Variants in TMEM161B observed in about 807,000 individuals in gnomAD.
TMEM161B encodes transmembrane protein 161B.
TMEM161B carries 34 observed loss-of-function variants against 61.8 expected under a neutral mutation model. That is an observed-to-expected ratio of 0.55 (90% CI 0.42 to 0.73). TMEM161B has a LOEUF of 0.73. Ranked by LOEUF, TMEM161B falls within the 30% of genes least tolerant of loss-of-function variation. TMEM161B has a pLI of 0.00. For missense variants in TMEM161B, 456 were observed against 558.5 expected (o/e 0.82, Z 1.85); for synonymous variants, 167 against 192.8 (o/e 0.87, Z 1.11).
rs748118522 is a variant in TMEM161B, at chr5:88,196,228, A to G, written c.1447T>C (p.Tyr483His). Residue 483 changes from tyrosine to histidine, a missense_variant, in exon 12 of 12, where the codon TAT becomes CAT. Transcript: ENST00000296595. Reference protein sequence around the residue: ...TSLFGLFYHQYLTVA With the variant: ...TSLFGLFYHQHLTVA ...ACTGAGATTCATGCCACAGTCAGAT[A>G]CTGGTGATAGAAAAGCCCAAAAAGG... The G allele has an allele frequency of 1.2e-6, 2 of 1,611,862 alleles. No homozygotes were observed. The highest frequency in any genetic ancestry group is 1.7e-4 in the Middle Eastern group (1 of 6,034).
At chr5:88,268,353 G>A (rs531427686) in intron 1 of TMEM161B, among the ~76,000 whole-genome samples, 162 of 152,268 alleles carry the variant, frequency 1.1e-3, no homozygotes, top group African/African-American at 3.6e-3. Context: ...TGAAGTTCTT[G>A]GCCACTGTTC....
At chr5:88,212,004 T>G (rs570865869) in intron 5 of TMEM161B, among the ~76,000 whole-genome samples, 3 of 152,220 alleles carry the variant, frequency 2.0e-5, no homozygotes, top group African/African-American at 7.2e-5. Context: ...TACATGAGCA[T>G]GAACTTTCAG....
At chr5:88,228,833 T>C (rs1036161072) in intron 2 of TMEM161B, among the ~76,000 whole-genome samples, 7 of 152,136 alleles carry the variant, frequency 4.6e-5, no homozygotes, top group African/African-American at 1.7e-4. Context: ...TAAAAGTAAA[T>C]AAAGTGAAGT....
chr5:88,234,656 G>A (rs1212480060), intron 2 of TMEM161B, among the ~76,000 whole-genome samples: 1 of 152,072 alleles, frequency 6.6e-6, no homozygotes, highest in Non-Finnish European at 1.5e-5. Context: ...ATATGGGCTT[G>A]GAAGACAGAT....
chr5:88,190,101 T>C (rs1360457906), downstream of TMEM161B: 1 of 700,714 alleles, frequency 1.4e-6, no homozygotes, highest in African/African-American at 1.7e-5. Context: ...TCGTGTTGGA[T>C]AAGCCTCCAC....
chr5:88,217,831 C>G (rs1235586528), intron 5 of TMEM161B, among the ~76,000 whole-genome samples: 2 of 151,060 alleles, frequency 1.3e-5, no homozygotes, highest in African/African-American at 4.9e-5. Context: ...ATCACTAGAG[C>G]TCTCTAAGAA....
intron 2 of TMEM161B, among the ~76,000 whole-genome samples, chr5:88,237,832 A>G (rs1752111393): frequency 6.6e-6 from 1 of 152,128 alleles, no homozygotes; most frequent in Non-Finnish European, 1.5e-5. Context: ...TTAAAAATCA[A>G]CAAACTAATT....
At chr5:88,234,610 C>T (rs1751550291) in intron 2 of TMEM161B, among the ~76,000 whole-genome samples, 1 of 152,146 alleles carries the variant, frequency 6.6e-6, no homozygotes, top group South Asian at 2.1e-4. Context: ...AAAATGACGG[C>T]CTGCTTGCAA....
intron 5 of TMEM161B, among the ~76,000 whole-genome samples, chr5:88,218,784 G>A (rs569155154): frequency 2.0e-5 from 3 of 152,252 alleles, no homozygotes; most frequent in Non-Finnish European, 4.4e-5. Flanking sequence ...TTTCGGCCTG[G>A]AATTCTATTC....
At chr5:88,221,080 A>G (rs1298453937) in intron 4 of TMEM161B, among the ~76,000 whole-genome samples, 2 of 152,164 alleles carry the variant, frequency 1.3e-5, no homozygotes, top group Admixed American at 1.3e-4. Flanking sequence ...TAGCTATGAT[A>G]CCTTAACTTC....
At chr5:88,245,494 A>G (rs578229633) in intron 1 of TMEM161B, among the ~76,000 whole-genome samples, 2 of 152,076 alleles carry the variant, frequency 1.3e-5, no homozygotes, top group South Asian at 4.1e-4. Flanking sequence ...AACAATGGCA[A>G]CATCAACCTA....
chr5:88,211,636 G>A (rs575639419), intron 5 of TMEM161B, among the ~76,000 whole-genome samples: 13 of 151,300 alleles, frequency 8.6e-5, no homozygotes, highest in Admixed American at 2.0e-4. Flanking sequence ...CGGGCGCGGC[G>A]GCGGGCGCCT....
intron 2 of TMEM161B, 111 bp from the exon 3 acceptor site, chr5:88,228,639 A>G (rs1231066505): frequency 1.3e-6 from 1 of 775,578 alleles, no homozygotes; most frequent in African/African-American, 1.8e-5. Context: ...GTCGAGAAAT[A>G]TCAGGTGAAA....
At chr5:88,197,547 T>C (rs1749871373) in intron 11 of TMEM161B, 122 bp downstream of exon 11, 5 of 857,298 alleles carry the variant, frequency 5.8e-6, no homozygotes, top group Admixed American at 5.3e-5. Context: ...CCCATGGTTC[T>C]TTTTACAACT....
intron 2 of TMEM161B, among the ~76,000 whole-genome samples, chr5:88,237,553 C>T (rs1472611923): frequency 6.6e-6 from 1 of 152,040 alleles, no homozygotes; most frequent in African/African-American, 2.4e-5. Context: ...TGAGAAACTT[C>T]CATTAATTTT....
intron 2 of TMEM161B, among the ~76,000 whole-genome samples, chr5:88,229,486 T>C (rs1446341730): frequency 1.7e-5 from 1 of 59,084 alleles, no homozygotes; most frequent in Non-Finnish European, 3.3e-5. Context: ...CCTCTAGTTA[T>C]TGGTTTTTTT....
chr5:88,220,839 A>G, intron 4 of TMEM161B, 120 bp from the exon 5 acceptor site: 1 of 1,277,374 alleles, frequency 7.8e-7, no homozygotes, highest in South Asian at 1.8e-5. Flanking sequence ...TTATTTGTTC[A>G]TTTGCAATGT....
In TMEM161B at chr5:88,199,063, C is replaced by A; in HGVS notation, c.1002G>T (p.Leu334=). The part of the protein sequence containing the change: ...ALRLAMMRSH[L]QAYLNLAQKC... ...TTTGGGCTAAATTTAAATAAGCTTGCAGGTGACTACGCATCATGGCCAACC... is the reference window on the plus strand; with the variant it reads ...TTTGGGCTAAATTTAAATAAGCTTGAAGGTGACTACGCATCATGGCCAACC... The change falls in exon 10 of 12, where the codon CTG becomes CTT. Residue 334 remains leucine (L), a synonymous_variant. Transcript: ENST00000296595. 1.2e-6 allele frequency: 2 copies of A among 1,613,080 alleles called. No individual in the cohort carries two copies. Among genetic ancestry groups the A allele is most frequent in the Non-Finnish European group, 1.7e-6 (2 of 1,179,450 alleles).
At chr5:88,242,780 T>C (rs1752961527) in intron 1 of TMEM161B, among the ~76,000 whole-genome samples, 1 of 151,706 alleles carries the variant, frequency 6.6e-6, no homozygotes, top group African/African-American at 2.4e-5. Context: ...ATTTTTCTTA[T>C]GATGTCAAGA....
Sources: allele counts gnomAD v4.1 joint callset (sites outside exome capture counted in the v4.1 genomes callset), GRCh38; gene constraint gnomAD v4.1.1; transcripts MANE v1.5; gene names NCBI Gene and HGNC (gene_info 2026-07-23, HGNC 2026-07-21).